The following CNTN6 variants were observed in gnomAD, a reference collection of about 807,000 sequenced individuals.
CNTN6 encodes the protein contactin 6.
CNTN6 carries 137 observed loss-of-function variants against 122.8 expected under a neutral mutation model. That is an observed-to-expected ratio of 1.12 (90% CI 0.97 to 1.29). CNTN6 has a LOEUF of 1.29. Ranked by LOEUF, CNTN6 falls within the 50% of genes most tolerant of loss-of-function variation. CNTN6 has a pLI of 0.00. For synonymous variants in CNTN6, 570 were observed against 426.0 expected, an observed-to-expected ratio of 1.34 and a Z score of -4.16; for missense variants, 1,634 against 1,223.4, an observed-to-expected ratio of 1.34 and a Z score of -5.01.
At chr3:1,123,415 G>A (rs1009756192) in intron 1 of CNTN6, among the ~76,000 whole-genome samples, 2 of 151,692 alleles carry the variant, frequency 1.3e-5, no homozygotes, top group Non-Finnish European at 1.5e-5. Context: ...GCTATTATAC[G>A]TTGATGTTTT....
At chr3:1,396,238 A>G (rs1016873983) in intron 20 of CNTN6, among the ~76,000 whole-genome samples, 2 of 152,160 alleles carry the variant, frequency 1.3e-5, no homozygotes, top group Admixed American at 1.3e-4. Context: ...TTTAACATTC[A>G]CTTACCTGGC....
chr3:1,346,619 G>A (rs1284860127), intron 11 of CNTN6, among the ~76,000 whole-genome samples: 1 of 152,092 alleles, frequency 6.6e-6, no homozygotes, highest in African/African-American at 2.4e-5. Context: ...AGCTGCAGCT[G>A]CCCAACCGTG....
At chr3:1,244,295 C>T (rs886160533) in intron 4 of CNTN6, among the ~76,000 whole-genome samples, 11 of 152,090 alleles carry the variant, frequency 7.2e-5, no homozygotes, top group African/African-American at 2.2e-4. Context: ...AGCGTAGAGA[C>T]ACGGAGGGAA....
At chr3:1,196,162 A>C (rs2093775005) in intron 2 of CNTN6, among the ~76,000 whole-genome samples, 2 of 152,124 alleles carry the variant, frequency 1.3e-5, no homozygotes, top group African/African-American at 4.8e-5. Flanking sequence ...GGCATTGCTT[A>C]ACAGCATTTG....
chr3:1,201,978 A>C (rs1021980609), intron 2 of CNTN6, among the ~76,000 whole-genome samples: 1 of 152,198 alleles, frequency 6.6e-6, no homozygotes, highest in Non-Finnish European at 1.5e-5. Context: ...TTTTTTCTCT[A>C]TTTTTCTGAG....
intron 6 of CNTN6, among the ~76,000 whole-genome samples, chr3:1,297,095 C>T (rs73816286): frequency 6.6e-6 from 1 of 152,020 alleles, no homozygotes; most frequent in Admixed American, 6.6e-5. Context: ...ACCTTCTCAC[C>T]ATAACCTCTT....
At chr3:1,174,927 A>T (rs1478009047) in intron 2 of CNTN6, among the ~76,000 whole-genome samples, 1 of 152,146 alleles carries the variant, frequency 6.6e-6, no homozygotes, top group Non-Finnish European at 1.5e-5. Context: ...AAGCACATCT[A>T]TAATCAGTGT....
intron 8 of CNTN6, among the ~76,000 whole-genome samples, chr3:1,322,255 C>T (rs902251243): frequency 6.6e-6 from 1 of 151,304 alleles, no homozygotes; most frequent in African/African-American, 2.4e-5. Context: ...ATATTTGTTC[C>T]TAGTTTTCAT....
chr3:1,300,159 G>T (rs142703133), intron 7 of CNTN6, among the ~76,000 whole-genome samples: 3,626 of 151,446 alleles, frequency 0.024, 73 homozygotes, highest in South Asian at 0.046. Context: ...ATTTTTTTTT[G>T]GTATTTTTAG....
chr3:1,243,825 T>C (rs571303636), intron 4 of CNTN6, among the ~76,000 whole-genome samples: 1 of 151,896 alleles, frequency 6.6e-6, no homozygotes. Flanking sequence ...GGTCTGGCAA[T>C]GAGCAGCTTG....
chr3:1,098,787 CACATATATATATATATATAT>C (rs2090684636), intron 1 of CNTN6, among the ~76,000 whole-genome samples: 1 of 55,692 alleles, frequency 1.8e-5, no homozygotes, highest in African/African-American at 1.5e-4. Flanking sequence ...CACACACACA[CACATATATATATATATATAT>C]ATATATATAT....
At chr3:1,104,384 G>A (rs1314181527) in intron 1 of CNTN6, among the ~76,000 whole-genome samples, 1 of 151,992 alleles carries the variant, frequency 6.6e-6, no homozygotes, top group Non-Finnish European at 1.5e-5. Flanking sequence ...GTTTTTCAGA[G>A]GATTAACAAA....
At chr3:1,221,135 T>C (rs546123772) in intron 3 of CNTN6, among the ~76,000 whole-genome samples, 1 of 151,860 alleles carries the variant, frequency 6.6e-6, no homozygotes, top group African/African-American at 2.4e-5. Flanking sequence ...CATTGCCTTA[T>C]TGTGGTCAGA....
rs920811131 is a variant in CNTN6 at position 1,388,328 on chromosome 3, C to G, written c.2704+2531C>G. 1.6e-4 allele frequency among the ~76,000 whole-genome samples: 24 copies of G among 145,974 alleles called. 2 individuals carry two copies. Among genetic ancestry groups the G allele is most frequent in the African/African-American group, 6.0e-4 (24 of 39,830 alleles). Reference sequence around the variant, plus strand: ...CTGACACCTCACACGGCAGGGTATGCCAACAGACCTGAAGCTGAGGGTCCT... The same window carrying G: ...CTGACACCTCACACGGCAGGGTATGGCAACAGACCTGAAGCTGAGGGTCCT... On this transcript the variant is annotated intron_variant, in intron 20 of 22. Transcript: ENST00000446702.
chr3:1,203,260 T>A (rs969806627), intron 2 of CNTN6, among the ~76,000 whole-genome samples: 1 of 152,152 alleles, frequency 6.6e-6, no homozygotes, highest in African/African-American at 2.4e-5. Context: ...CCCCCATCTG[T>A]GAGAAAAGAG....
chr3:1,201,492 A>G (rs572360243), intron 2 of CNTN6, among the ~76,000 whole-genome samples: 2 of 150,286 alleles, frequency 1.3e-5, no homozygotes, highest in East Asian at 4.0e-4. Flanking sequence ...CATCACTCTC[A>G]TTTTTCATAT....
At chr3:1,289,869 T>C (rs1467959180) in intron 5 of CNTN6, among the ~76,000 whole-genome samples, 1 of 135,096 alleles carries the variant, frequency 7.4e-6, no homozygotes, top group Admixed American at 7.4e-5. Context: ...AGAGACGGGG[T>C]TTCACCGTGT....
chr3:1,319,055 C>G (rs1349363780), intron 7 of CNTN6, among the ~76,000 whole-genome samples: 9 of 151,712 alleles, frequency 5.9e-5, no homozygotes, highest in African/African-American at 2.2e-4. Flanking sequence ...AATGTTGTCA[C>G]TGAGTTATTT....
intron 4 of CNTN6, among the ~76,000 whole-genome samples, chr3:1,233,161 T>C (rs1253539389): frequency 1.3e-5 from 2 of 152,182 alleles, no homozygotes; most frequent in African/African-American, 4.8e-5. Context: ...AAATCCATCA[T>C]AGTACAATAT....
Sources: allele counts gnomAD v4.1 joint callset (sites outside exome capture counted in the v4.1 genomes callset), GRCh38; gene constraint gnomAD v4.1.1; transcripts MANE v1.5; gene names NCBI Gene and HGNC (gene_info 2026-07-23, HGNC 2026-07-21).